The following CX3CR1 variants were observed in gnomAD, a reference collection of about 807,000 sequenced individuals.
CX3CR1 encodes the protein CX3C chemokine receptor 1.
For synonymous variants in CX3CR1, 168 were observed against 178.5 expected (o/e 0.94, Z 0.47); for missense variants, 363 against 432.4 (o/e 0.84, Z 1.42).
At chr3:39,283,372 G>A (rs958284116), upstream of CX3CR1, among the ~76,000 whole-genome samples, 3 of 152,090 alleles carry the variant, frequency 2.0e-5, no homozygotes, top group East Asian at 1.9e-4. Context: ...CCAAGGTGGC[G>A]AAAATTGGTT....
upstream of CX3CR1, among the ~76,000 whole-genome samples, chr3:39,285,682 A>G (rs1043873372): frequency 2.6e-5 from 4 of 152,206 alleles, no homozygotes; most frequent in Non-Finnish European, 5.9e-5. Flanking sequence ...ATTTTTTAAA[A>G]ATTAAAAATT....
At chr3:39,291,679 G>A in the CX3CR1 span, among the ~76,000 whole-genome samples, 55 of 152,274 alleles carry the variant, frequency 3.6e-4, no homozygotes, top group Non-Finnish European at 5.4e-4. Context: ...TCACTCCATG[G>A]TTTACAAAGC....
chr3:39,270,980 C>T (rs1391861067), intron 1 of CX3CR1, among the ~76,000 whole-genome samples: 1 of 152,136 alleles, frequency 6.6e-6, no homozygotes, highest in Non-Finnish European at 1.5e-5. Context: ...GGGTGAATAA[C>T]TTGTTCGAGG....
intron 1 of CX3CR1, among the ~76,000 whole-genome samples, chr3:39,270,368 A>G (rs1559367938): frequency 6.6e-6 from 1 of 152,254 alleles, no homozygotes; most frequent in East Asian, 1.9e-4. Context: ...CAAGCTTCAA[A>G]TATAAATGAA....
intron 1 of CX3CR1, among the ~76,000 whole-genome samples, chr3:39,278,668 T>G (rs2040866199): frequency 6.7e-6 from 1 of 149,136 alleles, no homozygotes; most frequent in East Asian, 1.9e-4. Flanking sequence ...TTTTTTTTTT[T>G]TTTTTGTGGA....
intron 1 of CX3CR1, among the ~76,000 whole-genome samples, chr3:39,273,272 G>A (rs993222667): frequency 2.0e-5 from 3 of 152,374 alleles, no homozygotes; most frequent in East Asian, 1.9e-4. Context: ...ATTGGTGAGT[G>A]GAAAATGGAA....
chr3:39,280,646 A>T (rs1379977911), upstream of CX3CR1, among the ~76,000 whole-genome samples: 2 of 151,522 alleles, frequency 1.3e-5, no homozygotes, highest in Non-Finnish European at 2.9e-5. Context: ...CTCTGCCCCA[A>T]GGCATTTAGT....
Position 39,279,990 on chromosome 3 carries a change from A to G in CX3CR1, c.-46T>C. Reference sequence around the variant, plus strand: ...TGCCAAGGGAACCTCTGGATCTGCCAGTCAGCCACCCTGTCCTGCTCAGAC... The same window carrying G: ...TGCCAAGGGAACCTCTGGATCTGCCGGTCAGCCACCCTGTCCTGCTCAGAC... On this transcript the variant is annotated 5_prime_UTR_variant, in exon 1 of 2. Coordinates refer to ENST00000399220, the MANE Select transcript of CX3CR1 (RefSeq NM_001337.4). 2 of 985,524 alleles carry G rather than the reference A, an allele frequency of 2.0e-6. No individual in the cohort carries two copies. The highest frequency in any genetic ancestry group is 2.4e-6 in the Non-Finnish European group (2 of 830,002). The allele number at this position is 985,524 out of a possible 1,614,324, so 61.0% of individuals were successfully genotyped here. A position where few individuals can be genotyped will look rare whatever the true frequency, so the allele number is the denominator to read the frequency against.
intron 1 of CX3CR1, among the ~76,000 whole-genome samples, chr3:39,274,176 C>G (rs1440160001): frequency 1.3e-5 from 2 of 152,136 alleles, no homozygotes; most frequent in Admixed American, 6.5e-5. Flanking sequence ...CATGCCCAGA[C>G]CCCTGACTGT....
chr3:39,278,333 G>A (rs2040860788), intron 1 of CX3CR1, among the ~76,000 whole-genome samples: 1 of 152,172 alleles, frequency 6.6e-6, no homozygotes, highest in Admixed American at 6.5e-5. Context: ...ATAAAGCCAA[G>A]CAAAGAGGAA....
rs2040685290 is a variant in CX3CR1 at position 39,265,659 on chromosome 3, C to T, written c.851G>A (p.Ser284Asn). The T allele has an allele frequency of 1.2e-6, 2 of 1,614,188 alleles. No individual in the cohort carries two copies. Among genetic ancestry groups the T allele is most frequent in the Non-Finnish European group, 1.7e-6 (2 of 1,180,028 alleles). ...GATGAGAGGATTCAGGCAACAATGGCTAAATGCAACCGTCTCAGTCACACT... is the reference window on the plus strand; with the variant it reads ...GATGAGAGGATTCAGGCAACAATGGTTAAATGCAACCGTCTCAGTCACACT... ...ALSVTETVAFSHCCLNPLIYA... is the reference protein window; with the variant it reads ...ALSVTETVAFNHCCLNPLIYA... Residue 284 changes from serine (S) to asparagine (N), a missense_variant, in exon 2 of 2, where the codon AGC becomes AAC. By Grantham distance (46) the Ser-to-Asn change is conservative. Transcript: ENST00000399220.
In CX3CR1 at chr3:39,264,338, T is replaced by C. The variant is rs532615161; in HGVS notation, c.*1104A>G. 6.6e-6 allele frequency: 1 copy of C among 152,452 alleles called. No individual in the cohort carries two copies. The highest frequency in any genetic ancestry group is 1.9e-4 in the East Asian group (1 of 5,184). 9.4% of individuals were successfully genotyped at this position (152,452 alleles called of 1,614,324 possible). ...GCAAGAGTTGGTGGCTAGTTCCTCA[T>C]GCTGGAAAGGATGATCTCTATGTGA... On this transcript the variant is annotated 3_prime_UTR_variant, in exon 2 of 2. Transcript: ENST00000399220.
chr3:39,282,148 A>G (rs981297521), upstream of CX3CR1, among the ~76,000 whole-genome samples: 41 of 152,210 alleles, frequency 2.7e-4, no homozygotes, highest in African/African-American at 9.6e-4. Flanking sequence ...CAACCCTGCA[A>G]GATGGACCAA....
chr3:39,266,444 A>G lies in CX3CR1; in HGVS notation c.66T>C (p.Tyr22=). The G allele has an allele frequency of 6.2e-7, 1 of 1,614,220 alleles. No homozygotes were observed. Among genetic ancestry groups the G allele is most frequent in the African/African-American group, 1.3e-5 (1 of 75,056 alleles). Residue 22 remains tyrosine, a synonymous_variant, in exon 2 of 2, where the codon TAT becomes TAC. Coordinates refer to ENST00000399220, the MANE Select transcript of CX3CR1 (RefSeq NM_001337.4). ...TCCCAAAGACCACGATGTCCCCAAT[A>G]TAACAGGCCTCAGCCAAATCATCGT... ...FEYDDLAEAC[Y]IGDIVVFGTV... is the part of the protein sequence containing the mutation.
upstream of CX3CR1, chr3:39,286,446 C>T (rs1234076630): frequency 1.3e-5 from 2 of 151,268 alleles, no homozygotes; most frequent in East Asian, 3.9e-4. Flanking sequence ...GTCAGGAGAT[C>T]GAGACCATCC....
In CX3CR1 at chr3:39,266,800, TTA is replaced by T. The variant is rs1408644469; in HGVS notation, c.-9-284_-9-283del. ...TTTGGCTCTAGGCATTTTTTTTTTT[TTA>T]AATGGAGTCTCGCTGTGTCACCCAG... On this transcript the variant is annotated intron_variant, in intron 1 of 1. Coordinates refer to ENST00000399220, the MANE Select transcript of CX3CR1 (RefSeq NM_001337.4). 1,844 of 549,926 alleles carry T rather than the reference TTA, an allele frequency of 3.4e-3. 1 individual carries two copies. Among genetic ancestry groups the T allele is most frequent in the East Asian group, 9.9e-3 (235 of 23,856 alleles). The allele number at this position is 549,926 out of a possible 1,614,324, so 34.1% of individuals were successfully genotyped here. A position where few individuals can be genotyped will look rare whatever the true frequency, so the allele number is the denominator to read the frequency against.
chr3:39,278,232 G>A (rs2040860235), intron 1 of CX3CR1, among the ~76,000 whole-genome samples: 1 of 152,226 alleles, frequency 6.6e-6, no homozygotes, highest in Non-Finnish European at 1.5e-5. Context: ...CATCCCAGAG[G>A]TGTGGCAAGT....
chr3:39,291,373 G>A, the CX3CR1 span, among the ~76,000 whole-genome samples: 2 of 152,206 alleles, frequency 1.3e-5, no homozygotes, highest in South Asian at 2.1e-4. Flanking sequence ...TGACTATTTT[G>A]GTATTCTGCC....
At chr3:39,281,129 G>A (rs753888607), upstream of CX3CR1, 30 of 998,970 alleles carry the variant, frequency 3.0e-5, no homozygotes, top group Non-Finnish European at 3.5e-5. Context: ...CCCCAGGACA[G>A]AGCTGGGGGC....
Sources: gnomAD v4.1 joint callset for allele counts (sites outside exome capture counted in the v4.1 genomes callset) on GRCh38, gnomAD v4.1.1 for gene constraint, MANE v1.5 for transcripts, NCBI Gene and HGNC (gene_info 2026-07-23, HGNC 2026-07-21) for gene names.